OR8G1: variants seen among roughly 807,000 people sequenced by gnomAD.
OR8G1 encodes the protein olfactory receptor family 8 subfamily G member 1, also known as olfactory receptor 8G1.
For missense variants in OR8G1, 372 were observed against 356.2 expected (o/e 1.04, Z -0.36); for synonymous variants, 129 against 133.3 (o/e 0.97, Z 0.22).
rs896358494 is a variant in OR8G1 at position 124,241,101 on chromosome 11, C to A, written c.-360C>A. 2 of 152,022 alleles carry A rather than the reference C, an allele frequency of 1.3e-5. No homozygotes were observed. The highest frequency in any genetic ancestry group is 4.8e-5 in the African/African-American group (2 of 41,400). The allele number at this position is 152,022 out of a possible 1,614,324, so 9.4% of individuals were successfully genotyped here. On this transcript the variant is annotated 5_prime_UTR_variant, in exon 1 of 3. Transcript: ENST00000641972. ...GCTGCTCAGGTGAGGATGCTTGCCA[C>A]CCTGAAGCTGGAGAAACAAAAACTG...
chr11:124,250,517 T>C lies in OR8G1; in HGVS notation c.842T>C (p.Ile281Thr), dbSNP rs1469061694. 2.5e-6 allele frequency: 4 copies of C among 1,613,394 alleles called. No homozygotes were observed. The highest frequency in any genetic ancestry group is 1.1e-5 in the South Asian group (1 of 91,066). The change falls in exon 3 of 3, where the codon ATT becomes ACT. Residue 281 changes from isoleucine to threonine, a missense_variant. Coordinates refer to ENST00000641972, the MANE Select transcript of OR8G1 (RefSeq NM_001002905.2). ...GKVSSVFYTIIVPMLNPLIYS... is the reference protein window; with the variant it reads ...GKVSSVFYTITVPMLNPLIYS... ...GTATCCTCTGTGTTTTATACTATTA[T>C]TGTGCCCATGTTGAACCCTCTGATT...
intron 1 of OR8G1, among the ~76,000 whole-genome samples, chr11:124,246,480 A>T (rs563794738): frequency 2.4e-4 from 37 of 152,026 alleles, no homozygotes; most frequent in African/African-American, 8.7e-4. Context: ...AAGTTTAGGC[A>T]AGATACATTA....
At chr11:124,246,379 A>G (rs1481781670) in intron 1 of OR8G1, among the ~76,000 whole-genome samples, 2 of 151,974 alleles carry the variant, frequency 1.3e-5, no homozygotes, top group African/African-American at 4.8e-5. Context: ...ATACATTTTA[A>G]TGTAAAGATA....
In OR8G1 at chr11:124,254,066, A is replaced by G. The variant is rs1442874334; in HGVS notation, c.*3455A>G. 1 of 152,164 alleles carries G rather than the reference A, an allele frequency of 6.6e-6. No individual in the cohort carries two copies. Among genetic ancestry groups the G allele is most frequent in the African/African-American group, 2.4e-5 (1 of 41,450 alleles). 9.4% of individuals were successfully genotyped at this position (152,164 alleles called of 1,614,324 possible). A position where few individuals can be genotyped will look rare whatever the true frequency, so the allele number is the denominator to read the frequency against. On this transcript the variant is annotated 3_prime_UTR_variant, in exon 3 of 3. Coordinates refer to ENST00000641972, the MANE Select transcript of OR8G1 (RefSeq NM_001002905.2). ...TTTTGAATATATACCCGATAGTGGT[A>G]TTGCTAGGTCATATGGTAGTTCAAT...
rs1387356839 is a variant in OR8G1, at chr11:124,253,729, C to T, written c.*3118C>T. 6.6e-6 allele frequency: 1 copy of T among 152,104 alleles called. No individual in the cohort carries two copies. The highest frequency in any genetic ancestry group is 1.5e-5 in the Non-Finnish European group (1 of 68,026). The allele number at this position is 152,104 out of a possible 1,614,324, so 9.4% of individuals were successfully genotyped here. A position where few individuals can be genotyped will look rare whatever the true frequency, so the allele number is the denominator to read the frequency against. ...CCAACATCTCCTCCCACACGCCCAG[C>T]TGCAGATAAACACAATTCTACTGTC... On this transcript the variant is annotated 3_prime_UTR_variant, in exon 3 of 3. Transcript: ENST00000641972.
chr11:124,250,298 T>C lies in OR8G1; in HGVS notation c.623T>C (p.Leu208Pro), dbSNP rs553299036. Reference sequence around the variant, plus strand: ...CTATGTGTTGGTGCATTTAACATCCTTGTCCCCAGCCTGACCATCCTTTGC... The same window carrying C: ...CTATGTGTTGGTGCATTTAACATCCCTGTCCCCAGCCTGACCATCCTTTGC... ...LILCVGAFNI[L>P]VPSLTILCSY... The change falls in exon 3 of 3, where the codon CTT (leucine) becomes CCT (proline). Residue 208 changes from leucine to proline, a missense_variant. By Grantham distance (98) the Leu-to-Pro change is moderately conservative (BLOSUM62 -3). Coordinates refer to ENST00000641972, the MANE Select transcript of OR8G1 (RefSeq NM_001002905.2). The C allele has an allele frequency of 3.1e-5, 50 of 1,613,796 alleles. No homozygotes were observed. The South Asian group carries it at 4.7e-4, about 15-fold the overall frequency.
chr11:124,249,402 T>G (rs939072396), intron 2 of OR8G1, among the ~76,000 whole-genome samples: 1 of 133,916 alleles, frequency 7.5e-6, no homozygotes, highest in African/African-American at 3.0e-5. Flanking sequence ...AAATATTGGC[T>G]TAAAATCACT....
rs1231662277 is a variant in OR8G1, at chr11:124,252,330, G to T, written c.*1719G>T. On this transcript the variant is annotated 3_prime_UTR_variant, in exon 3 of 3. Transcript: ENST00000641972. Reference sequence around the variant, plus strand: ...TTATTACTTATTTGCTATTACTAGTGTATCTAAGTATAACTAGTGAAAAAA... The same window carrying T: ...TTATTACTTATTTGCTATTACTAGTTTATCTAAGTATAACTAGTGAAAAAA... 1 of 152,028 alleles carries T rather than the reference G, an allele frequency of 6.6e-6. No homozygotes were observed. Among genetic ancestry groups the T allele is most frequent in the Non-Finnish European group, 1.5e-5 (1 of 67,994 alleles). 9.4% of individuals were successfully genotyped at this position (152,028 alleles called of 1,614,324 possible). A position where few individuals can be genotyped will look rare whatever the true frequency, so the allele number is the denominator to read the frequency against.
intron 1 of OR8G1, among the ~76,000 whole-genome samples, chr11:124,246,197 G>A (rs570967114): frequency 5.0e-4 from 76 of 152,068 alleles, no homozygotes; most frequent in African/African-American, 1.8e-3. Flanking sequence ...TTTGTATAAG[G>A]TGTAAGGGAG....
chr11:124,243,426 C>T (rs921140462), intron 1 of OR8G1, among the ~76,000 whole-genome samples: 2 of 151,882 alleles, frequency 1.3e-5, no homozygotes, highest in East Asian at 1.9e-4. Flanking sequence ...AACAGAATAG[C>T]TCTGAATTCG....
chr11:124,250,440 A>G lies in OR8G1; in HGVS notation c.765A>G (p.Ala255=). The G allele has an allele frequency of 6.2e-7, 1 of 1,613,792 alleles. No individual in the cohort carries two copies. Among genetic ancestry groups the G allele is most frequent in the Non-Finnish European group, 8.5e-7 (1 of 1,179,814 alleles). ...MLAVVIFFGS[A]AFMYLQPSSI... ...CGGTTGTAATCTTTTTTGGATCTGC[A>G]GCATTCATGTACTTGCAGCCATCTT... is the stretch of plus-strand genomic sequence containing the variant. Residue 255 remains alanine, a synonymous_variant, in exon 3 of 3, where the codon GCA becomes GCG. Transcript: ENST00000641972.
rs368405472 is a variant in OR8G1 at position 124,250,360 on chromosome 11, C to G, written c.685C>G (p.Arg229Gly). 1 of 1,613,708 alleles carries G rather than the reference C, an allele frequency of 6.2e-7. No individual in the cohort carries two copies. The highest frequency in any genetic ancestry group is 8.5e-7 in the Non-Finnish European group (1 of 1,179,834). ...TATTATTGCCAGCATCCTCCACATT[C>G]GCTCCACTGAGGGCAGGTCCAAAGC... Reference protein sequence around the residue: ...IFIIASILHIRSTEGRSKAFS... With the variant: ...IFIIASILHIGSTEGRSKAFS... The change falls in exon 3 of 3, where the codon CGC becomes GGC. Residue 229 changes from arginine (R) to glycine (G), a missense_variant. Physicochemically the swap from Arg to Gly is moderately radical, Grantham distance 125. Transcript: ENST00000641972.
chr11:124,242,371 GT>G (rs1352186671), intron 1 of OR8G1, among the ~76,000 whole-genome samples: 2 of 152,012 alleles, frequency 1.3e-5, no homozygotes, highest in Non-Finnish European at 2.9e-5. Flanking sequence ...TATGATAAGT[GT>G]GGAATGGTGC....
rs779371563 is a variant in OR8G1 at position 124,250,000 on chromosome 11, A to C, written c.325A>C (p.Ile109Leu). The change falls in exon 3 of 3, where the codon ATT becomes CTT. Residue 109 changes from isoleucine to leucine, a missense_variant. By Grantham distance (5) the Ile-to-Leu change is conservative. Transcript: ENST00000641972. ...TQLYFFLVFA[I>L]AECHMLAAMA... ...GCTCTACTTCTTCCTCGTTTTTGCTATTGCAGAGTGTCACATGTTGGCTGC... is the reference window on the plus strand; with the variant it reads ...GCTCTACTTCTTCCTCGTTTTTGCTCTTGCAGAGTGTCACATGTTGGCTGC... 6.2e-7 allele frequency: 1 copy of C among 1,613,800 alleles called. No homozygotes were observed. Among genetic ancestry groups the C allele is most frequent in the South Asian group, 1.1e-5 (1 of 91,082 alleles).
intron 1 of OR8G1, among the ~76,000 whole-genome samples, chr11:124,244,722 G>GA (rs952575497): frequency 6.6e-6 from 1 of 151,862 alleles, no homozygotes; most frequent in African/African-American, 2.4e-5. Flanking sequence ...TAACCACCTT[G>GA]AGTTTCTGGA....
At position 124,253,147 on chromosome 11, in the gene OR8G1, G is replaced by A. The variant is rs1198400024; in HGVS notation, c.*2536G>A. 1 of 152,188 alleles carries A rather than the reference G, an allele frequency of 6.6e-6. No individual in the cohort carries two copies. The highest frequency in any genetic ancestry group is 1.5e-5 in the Non-Finnish European group (1 of 68,030). 9.4% of individuals were successfully genotyped at this position (152,188 alleles called of 1,614,324 possible). On this transcript the variant is annotated 3_prime_UTR_variant, in exon 3 of 3. Coordinates refer to ENST00000641972, the MANE Select transcript of OR8G1 (RefSeq NM_001002905.2). ...AGAAAACTATTTATGTTTGCTGAGT[G>A]CAGTGGCTCATGCCTGTAGTCCCAG...
chr11:124,245,506 T>C (rs1160010350), intron 1 of OR8G1, among the ~76,000 whole-genome samples: 20 of 107,672 alleles, frequency 1.9e-4, no homozygotes, highest in African/African-American at 8.1e-4. Flanking sequence ...GCAGCATGAT[T>C]TATAGTCTTT....
At chr11:124,244,025 A>C (rs1861786686) in intron 1 of OR8G1, among the ~76,000 whole-genome samples, 1 of 144,608 alleles carries the variant, frequency 6.9e-6, no homozygotes. Context: ...GAAAGGATGG[A>C]GAGAGGGAGA....
chr11:124,243,355 T>C (rs1591390623), intron 1 of OR8G1, among the ~76,000 whole-genome samples: 1 of 151,934 alleles, frequency 6.6e-6, no homozygotes, highest in East Asian at 1.9e-4. Context: ...CTCATATTGA[T>C]CCTATAGTGA....
Sources: gnomAD v4.1 joint callset for allele counts (sites outside exome capture counted in the v4.1 genomes callset) on GRCh38, gnomAD v4.1.1 for gene constraint, MANE v1.5 for transcripts, NCBI Gene and HGNC (gene_info 2026-07-23, HGNC 2026-07-21) for gene names.